The following IFI44 variants were observed in gnomAD, a reference collection of about 807,000 sequenced individuals.
IFI44 encodes the protein interferon induced protein 44, also known as interferon-induced protein 44.
Under a neutral mutation model 45.0 loss-of-function variants are expected in IFI44, and 42 were observed. The observed-to-expected ratio is 0.93, with a 90% CI of 0.73 to 1.21. The LOEUF (loss-of-function observed/expected upper bound fraction) is 1.21. Ranked by LOEUF, IFI44 falls within the 50% of genes most tolerant of loss-of-function variation. The pLI is 0.00. For synonymous variants in IFI44, 221 were observed against 188.6 expected, an observed-to-expected ratio of 1.17 and a Z score of -1.41; for missense variants, 623 against 525.8, an observed-to-expected ratio of 1.18 and a Z score of -1.81.
In IFI44 at chr1:78,657,711, T is replaced by G. The variant is rs574610706; in HGVS notation, c.841-1601T>G. 7.2e-5 allele frequency among the ~76,000 whole-genome samples: 11 copies of G among 152,200 alleles called. No homozygotes were observed. The South Asian group carries it at 2.3e-3, about 32-fold the overall frequency. ...GATATATGCTTGAAATTTTTGCCTT[T>G]TTGCAAGACTTTGAAATTATAACAT... On this transcript the variant is annotated intron_variant, in intron 5 of 8. Transcript: ENST00000370747.
intron 4 of IFI44, 26 bp downstream of exon 4, chr1:78,655,235 C>CTT: frequency 6.2e-7 from 1 of 1,600,248 alleles, no homozygotes; most frequent in South Asian, 1.1e-5. Flanking sequence ...GCCACCTAGC[C>CTT]TTTGCTTCTC....
intron 7 of IFI44, among the ~76,000 whole-genome samples, chr1:78,662,355 A>G (rs571937596): frequency 1.8e-4 from 27 of 152,358 alleles, no homozygotes; most frequent in African/African-American, 6.5e-4. Context: ...TAGAGGTAAA[A>G]TAGTCTAAAC....
intron 5 of IFI44, among the ~76,000 whole-genome samples, chr1:78,659,000 A>G (rs1451185652): frequency 6.6e-6 from 1 of 151,748 alleles, no homozygotes; most frequent in East Asian, 1.9e-4. Flanking sequence ...TCTTACTTCC[A>G]TCTGTGGGCA....
intron 5 of IFI44, 27 bp downstream of exon 5, chr1:78,655,538 A>T: frequency 6.4e-7 from 1 of 1,570,762 alleles, no homozygotes; most frequent in Non-Finnish European, 8.7e-7. Flanking sequence ...GAGAAATTAT[A>T]ACTGATTTTT....
chr1:78,655,449 G>T lies in IFI44; in HGVS notation c.778G>T (p.Gly260Cys). The T allele has an allele frequency of 6.2e-7, 1 of 1,613,896 alleles. No homozygotes were observed. Among genetic ancestry groups the T allele is most frequent in the African/African-American group, 1.3e-5 (1 of 75,028 alleles). The change falls in exon 5 of 9, where the codon GGC becomes TGC. Residue 260 changes from glycine to cysteine, a missense_variant. Gly to Cys is a radical substitution (Grantham distance 159, BLOSUM62 -3). Coordinates refer to ENST00000370747, the MANE Select transcript of IFI44 (RefSeq NM_006417.5). ...CDSLGLSEKEGGLCRDDIFYI... is the reference protein window; with the variant it reads ...CDSLGLSEKECGLCRDDIFYI... ...CTCACTGGGGCTGAGTGAGAAAGAA[G>T]GCGGCCTGTGCAGGGATGACATATT... is the stretch of plus-strand genomic sequence containing the variant.
chr1:78,660,458 A>T, intron 6 of IFI44, 96 bp from the exon 7 acceptor site: 3 of 907,292 alleles, frequency 3.3e-6, no homozygotes, highest in Non-Finnish European at 5.2e-6. Context: ...CAAATCTGAA[A>T]TTGTTCCATA....
At chr1:78,659,221 AC>A in intron 5 of IFI44, 90 bp from the exon 6 acceptor site, 1 of 1,025,308 alleles carries the variant, frequency 9.8e-7, no homozygotes. Flanking sequence ...TGTTTTGTTT[AC>A]CATTTGATTC....
At chr1:78,660,796 A>T (rs1647407087) in intron 7 of IFI44, 142 bp downstream of exon 7, 1 of 686,918 alleles carries the variant, frequency 1.5e-6, no homozygotes, top group Non-Finnish European at 2.7e-6. Context: ...GTTTCCCAAG[A>T]TTTAAAAATT....
At chr1:78,650,988 G>T (rs767978975) in intron 2 of IFI44, among the ~76,000 whole-genome samples, 1 of 152,148 alleles carries the variant, frequency 6.6e-6, no homozygotes, top group Non-Finnish European at 1.5e-5. Flanking sequence ...ATAGAAGAAA[G>T]ACATTATTCA....
chr1:78,662,119 G>T (rs1305163471), intron 7 of IFI44, among the ~76,000 whole-genome samples: 1 of 152,198 alleles, frequency 6.6e-6, no homozygotes, highest in Non-Finnish European at 1.5e-5. Flanking sequence ...GAACCTGGAG[G>T]TGGGAACACC....
At chr1:78,661,054 G>C (rs533297771) in intron 7 of IFI44, among the ~76,000 whole-genome samples, 1 of 152,248 alleles carries the variant, frequency 6.6e-6, no homozygotes, top group Non-Finnish European at 1.5e-5. Flanking sequence ...GTTCAGTACA[G>C]ATGAAATATT....
chr1:78,651,732 T>C (rs1039791000), intron 2 of IFI44, among the ~76,000 whole-genome samples: 23 of 152,204 alleles, frequency 1.5e-4, no homozygotes, highest in Non-Finnish European at 2.5e-4. Context: ...AAACCACCAT[T>C]CTAACTCTGC....
At chr1:78,657,518 T>C (rs927227196) in intron 5 of IFI44, among the ~76,000 whole-genome samples, 5 of 152,168 alleles carry the variant, frequency 3.3e-5, no homozygotes, top group African/African-American at 7.2e-5. Context: ...GATTTATCCC[T>C]TTTCTAATAC....
Position 78,655,154 on chromosome 1 carries a change from G to A in IFI44, c.635G>A (p.Gly212Glu), listed in dbSNP as rs778190889. 1.2e-6 allele frequency: 2 copies of A among 1,613,856 alleles called. No individual in the cohort carries two copies. The highest frequency in any genetic ancestry group is 2.2e-5 in the South Asian group (2 of 91,066). Reference protein sequence around the residue: ...FFNSVRSVFQGHVTHQALVGT... With the variant: ...FFNSVRSVFQEHVTHQALVGT... ...AACTCAGTGAGGTCTGTTTTCCAAG[G>A]GCATGTAACGCATCAGGCTTTGGTG... The change falls in exon 4 of 9, where the codon GGG (glycine) becomes GAG (glutamate). Residue 212 changes from glycine (G) to glutamate (E), a missense_variant. Transcript: ENST00000370747.
chr1:78,658,948 C>T (rs1443435862), intron 5 of IFI44, among the ~76,000 whole-genome samples: 1 of 152,014 alleles, frequency 6.6e-6, no homozygotes, highest in Non-Finnish European at 1.5e-5. Flanking sequence ...CCCTTCCCTC[C>T]TTGCGCTCTG....
At position 78,650,541 on chromosome 1, in the gene IFI44, A is replaced by G. The variant is rs905818574; in HGVS notation, c.346A>G (p.Ile116Val). The G allele has an allele frequency of 6.2e-6, 10 of 1,613,364 alleles. No individual in the cohort carries two copies. The highest frequency in any genetic ancestry group is 7.6e-6 in the Non-Finnish European group (9 of 1,179,294). Residue 116 changes from isoleucine (I) to valine (V), a missense_variant, in exon 2 of 9, where the codon ATA becomes GTA. By Grantham distance (29) the Ile-to-Val change is conservative. Coordinates refer to ENST00000370747, the MANE Select transcript of IFI44 (RefSeq NM_006417.5). ...ATATAACTCCCCAACTAATTTCCAG[A>G]TAGATGGAAGAAATAGAAAAGTGAT... Reference protein sequence around the residue: ...TKYNSPTNFQIDGRNRKVIMD... With the variant: ...TKYNSPTNFQVDGRNRKVIMD...
At chr1:78,653,006 G>A (rs1329766559) in intron 2 of IFI44, among the ~76,000 whole-genome samples, 3 of 151,836 alleles carry the variant, frequency 2.0e-5, no homozygotes, top group African/African-American at 7.3e-5. Context: ...AACTATTTTG[G>A]TATATGAGTG....
intron 7 of IFI44, 122 bp from the exon 8 acceptor site, chr1:78,662,582 A>AT (rs1647525637): frequency 8.1e-6 from 6 of 740,686 alleles, no homozygotes; most frequent in East Asian, 2.7e-5. Context: ...CCAGATCTCC[A>AT]TTTTTTTCCA....
intron 8 of IFI44, 86 bp from the exon 9 acceptor site, chr1:78,663,679 G>C: frequency 6.4e-7 from 1 of 1,556,568 alleles, no homozygotes. Context: ...CGTTGGTTGA[G>C]ATTTTCAGTG....
Sources: gnomAD v4.1 joint callset for allele counts (sites outside exome capture counted in the v4.1 genomes callset) on GRCh38, gnomAD v4.1.1 for gene constraint, MANE v1.5 for transcripts, NCBI Gene and HGNC (gene_info 2026-07-23, HGNC 2026-07-21) for gene names.